The following CUEDC1 variants were observed in gnomAD, a reference collection of about 807,000 sequenced individuals.
The protein encoded by CUEDC1 is CUE domain containing 1, also known as CUE domain-containing protein 1.
CUEDC1 carries 30 observed loss-of-function variants against 43.7 expected under a neutral mutation model. The ratio of observed to expected loss-of-function variants is 0.69; its 90% CI spans 0.51 to 0.93. The LOEUF is 0.93. CUEDC1 is among the 40% of genes least tolerant of loss of function. CUEDC1 has a pLI of 0.00. For synonymous variants in CUEDC1, 223 were observed against 223.6 expected (o/e 1.00, Z 0.02); for missense variants, 486 against 549.0 (o/e 0.89, Z 1.15).
At chr17:57,896,752 A>C (rs1462324399) in intron 1 of CUEDC1, among the ~76,000 whole-genome samples, 1 of 147,388 alleles carries the variant, frequency 6.8e-6, no homozygotes, top group African/African-American at 2.5e-5. Flanking sequence ...TGATTTTTAT[A>C]TCTTTTTCTT....
intron 1 of CUEDC1, among the ~76,000 whole-genome samples, chr17:57,923,854 T>A (rs2074719669): frequency 6.6e-6 from 1 of 152,238 alleles, no homozygotes; most frequent in African/African-American, 2.4e-5. Context: ...ACATCAACTT[T>A]GCAAGGCGGG....
chr17:57,944,196 T>TA (rs1465660905), intron 1 of CUEDC1, among the ~76,000 whole-genome samples: 1,517 of 143,054 alleles, frequency 0.011, 13 homozygotes, highest in Non-Finnish European at 0.017. Context: ...TTATTTATTT[T>TA]TTTATATATA....
rs1012437753 is a variant in CUEDC1 at position 57,864,460 on chromosome 17, A to C, written c.*4-1175T>G. Among the ~76,000 whole-genome samples the C allele has an allele frequency of 2.9e-4, 44 of 152,252 alleles. 1 individual carries two copies. The highest frequency in any genetic ancestry group is 1.0e-3 in the African/African-American group (42 of 41,564). ...GGGAGTGGGCGGAGCAACAGGAGCC[A>C]GGAGAGAGGAAGGAGAACCTGGCTT... is the stretch of plus-strand genomic sequence containing the variant. On this transcript the variant is annotated intron_variant, in intron 10 of 10. Transcript: ENST00000577830.
chr17:57,945,684 G>T (rs2074954081), intron 1 of CUEDC1, among the ~76,000 whole-genome samples: 1 of 152,202 alleles, frequency 6.6e-6, no homozygotes, highest in Non-Finnish European at 1.5e-5. Flanking sequence ...AAAACATTGT[G>T]CTAGGGGCTT....
chr17:57,940,272 G>T (rs1238342571), intron 1 of CUEDC1, among the ~76,000 whole-genome samples: 1 of 151,000 alleles, frequency 6.6e-6, no homozygotes, highest in African/African-American at 2.4e-5. Context: ...AAAAAAAAAT[G>T]GTGGCACAGT....
In CUEDC1 at chr17:57,915,700, G is replaced by A. The variant is rs1330456163; in HGVS notation, c.-315-29821C>T. Among the ~76,000 whole-genome samples the A allele has an allele frequency of 7.9e-5, 12 of 152,088 alleles. No homozygotes were observed. The South Asian group carries it at 8.3e-4, about 11-fold the overall frequency. On this transcript the variant is annotated intron_variant, in intron 1 of 10. Coordinates refer to ENST00000577830, the MANE Select transcript of CUEDC1 (RefSeq NM_001271875.2). ...ACAGCTAAAATGCTGGTAGGACCTC[G>A]GGGACTTAAGGCAGGGTTGCTGCTA...
At chr17:57,941,473 T>C (rs1335447146) in intron 1 of CUEDC1, among the ~76,000 whole-genome samples, 1 of 152,222 alleles carries the variant, frequency 6.6e-6, no homozygotes, top group Non-Finnish European at 1.5e-5. Flanking sequence ...ACACTCTGCC[T>C]ACCAAGCTGT....
chr17:57,946,973 G>C (rs1261225860), intron 1 of CUEDC1, among the ~76,000 whole-genome samples: 3 of 151,906 alleles, frequency 2.0e-5, no homozygotes, highest in Non-Finnish European at 2.9e-5. Context: ...AACTCCCCCA[G>C]CTGACCCTCC....
chr17:57,927,670 C>T (rs901981598), intron 1 of CUEDC1, among the ~76,000 whole-genome samples: 1 of 152,228 alleles, frequency 6.6e-6, no homozygotes, highest in African/African-American at 2.4e-5. Flanking sequence ...ATCTGCCCCC[C>T]AACCCCACTC....
chr17:57,867,185 A>G (rs961488906), intron 9 of CUEDC1, 172 bp downstream of exon 9: 34 of 649,698 alleles, frequency 5.2e-5, no homozygotes, highest in Middle Eastern at 3.1e-4. Flanking sequence ...AGAAAGGGGG[A>G]AGCAATGTCG....
chr17:57,883,859 T>A (rs574430470), intron 2 of CUEDC1, among the ~76,000 whole-genome samples: 2 of 152,302 alleles, frequency 1.3e-5, no homozygotes, highest in African/African-American at 4.8e-5. Context: ...TGGCTGCATG[T>A]CCCAGATGGC....
Position 57,927,169 on chromosome 17 carries a change from C to T in CUEDC1, c.-316+28056G>A, listed in dbSNP as rs906642381. On this transcript the variant is annotated intron_variant, in intron 1 of 10. Coordinates refer to ENST00000577830, the MANE Select transcript of CUEDC1 (RefSeq NM_001271875.2). ...CGAGCGGCTGGGACAGAGAGTGGGG[C>T]TGTTATGGAGGGTGCCAATGGGTTT... is the stretch of plus-strand genomic sequence containing the variant. 2.9e-4 allele frequency among the ~76,000 whole-genome samples: 44 copies of T among 152,216 alleles called. 1 individual carries two copies. The highest frequency in any genetic ancestry group is 1.0e-3 in the African/African-American group (42 of 41,542).
Position 57,885,655 on chromosome 17 carries a change from G to A in CUEDC1, c.-91C>T. ...GCCGTCAGCCGCTTACTTGCCCTGC[G>A]GTCTCGGGCAGCTCACTCCTGCGCC... On this transcript the variant is annotated 5_prime_UTR_variant, in exon 2 of 11. Transcript: ENST00000577830. The A allele has an allele frequency of 2.3e-6, 3 of 1,326,584 alleles. No individual in the cohort carries two copies. The highest frequency in any genetic ancestry group is 2.9e-6 in the Non-Finnish European group (3 of 1,044,174). 82.2% of individuals were successfully genotyped at this position (1,326,584 alleles called of 1,614,324 possible).
At chr17:57,921,974 A>G (rs1214120860) in intron 1 of CUEDC1, among the ~76,000 whole-genome samples, 1 of 152,148 alleles carries the variant, frequency 6.6e-6, no homozygotes, top group Non-Finnish European at 1.5e-5. Context: ...TTAGCCAGGC[A>G]TGGTGGCACG....
chr17:57,934,257 T>G (rs534708840), intron 1 of CUEDC1, among the ~76,000 whole-genome samples: 6 of 152,022 alleles, frequency 3.9e-5, no homozygotes, highest in Non-Finnish European at 7.4e-5. Context: ...CCAGGCGTGG[T>G]GACACGTGCC....
chr17:57,895,085 C>G (rs2074394769), intron 1 of CUEDC1, among the ~76,000 whole-genome samples: 2 of 152,346 alleles, frequency 1.3e-5, no homozygotes, highest in South Asian at 4.1e-4. Context: ...ATGCTAGCCA[C>G]TACTCAAAGT....
intron 1 of CUEDC1, among the ~76,000 whole-genome samples, chr17:57,896,490 GTGTGTGTGTGTGTGT>G (rs2074411491): frequency 1.1e-5 from 1 of 88,376 alleles, no homozygotes; most frequent in Non-Finnish European, 2.7e-5. Flanking sequence ...ATTATGGGGT[GTGTGTGTGTGTGTGT>G]GTGTGTGTGT....
At position 57,879,617 on chromosome 17, in the gene CUEDC1, G is replaced by T. The variant is rs746209965; in HGVS notation, c.458C>A (p.Pro153His). The change falls in exon 3 of 11, where the codon CCT becomes CAT. Residue 153 changes from proline to histidine, a missense_variant. Pro to His is a moderately conservative substitution (Grantham distance 77). Coordinates refer to ENST00000577830, the MANE Select transcript of CUEDC1 (RefSeq NM_001271875.2). ...RPYPLAPPTP[P>H]PRIDALGSGA... is the part of the protein sequence containing the mutation. The stretch of plus-strand genomic sequence containing the variant: ...AGACATGACAGATTCTCACCGGGGA[G>T]GCGGAGTCGGGGGAGCCAGAGGGTA... The T allele has an allele frequency of 8.8e-6, 14 of 1,590,718 alleles. No individual in the cohort carries two copies. In the Admixed American group the frequency reaches 2.4e-4, roughly 28 times the overall value.
intron 2 of CUEDC1, among the ~76,000 whole-genome samples, chr17:57,884,399 T>C (rs1042041650): frequency 1.3e-4 from 19 of 151,994 alleles, no homozygotes; most frequent in Non-Finnish European, 2.6e-4. Context: ...GGTTTCACCA[T>C]ATTGGCCAGG....
Sources: allele counts gnomAD v4.1 joint callset (sites outside exome capture counted in the v4.1 genomes callset), GRCh38; gene constraint gnomAD v4.1.1; transcripts MANE v1.5; gene names NCBI Gene and HGNC (gene_info 2026-07-23, HGNC 2026-07-21).